The following VWA2 variants were observed in gnomAD, a reference collection of about 807,000 sequenced individuals.
VWA2 encodes the protein von Willebrand factor A domain containing 2.
VWA2 carries 73 observed loss-of-function variants against 70.4 expected under a neutral mutation model. The ratio of observed to expected loss-of-function variants is 1.04; its 90% CI spans 0.86 to 1.26. VWA2 has a LOEUF of 1.26. Ranked by LOEUF, VWA2 falls within the 50% of genes most tolerant of loss-of-function variation. The pLI, the probability that VWA2 is intolerant of heterozygous loss-of-function variation, is 0.00. For synonymous variants in VWA2, 407 were observed against 423.3 expected, an observed-to-expected ratio of 0.96 and a Z score of 0.47; for missense variants, 1,011 against 998.5, an observed-to-expected ratio of 1.01 and a Z score of -0.17.
chr10:114,265,601 C>T (rs2037544235), intron 5 of VWA2, among the ~76,000 whole-genome samples: 1 of 152,212 alleles, frequency 6.6e-6, no homozygotes, highest in African/African-American at 2.4e-5. Context: ...CCTCTCACCA[C>T]GCTCCCTCTC....
chr10:114,241,597 TTTTTG>T (rs1335048975), intron 1 of VWA2, among the ~76,000 whole-genome samples: 2 of 152,146 alleles, frequency 1.3e-5, no homozygotes, highest in Non-Finnish European at 2.9e-5. Flanking sequence ...GAAAATGCCT[TTTTTG>T]TTAATAACTC....
chr10:114,248,855 G>T, intron 2 of VWA2, 90 bp downstream of exon 2: 2 of 1,273,244 alleles, frequency 1.6e-6, no homozygotes, highest in East Asian at 2.3e-5. Context: ...CAATTCTAAA[G>T]GTCTCTTGAA....
Position 114,289,374 on chromosome 10 carries a change from T to C in VWA2, c.2007T>C (p.Pro669=), listed in dbSNP as rs1438909823. The C allele has an allele frequency of 1.2e-5, 19 of 1,614,242 alleles. No homozygotes were observed. The highest frequency in any genetic ancestry group is 4.5e-5 in the East Asian group (2 of 44,884). The part of the protein sequence containing the change: ...GISVLVVGVG[P]VLSEGLRRLA... ...CTGTCTTGGTCGTGGGCGTGGGGCC[T>C]GTCCTAAGTGAGGGTCTGCGGAGGC... The change falls in exon 12 of 14, where the codon CCT becomes CCC. Residue 669 remains proline, a synonymous_variant. Coordinates refer to ENST00000392982, the MANE Select transcript of VWA2 (RefSeq NM_001272046.2).
chr10:114,260,982 C>T (rs1417574985), intron 4 of VWA2, among the ~76,000 whole-genome samples: 1 of 152,220 alleles, frequency 6.6e-6, no homozygotes, highest in African/African-American at 2.4e-5. Flanking sequence ...CAGTGCAGAA[C>T]ACAAACAGAT....
At chr10:114,255,156 AC>A (rs1337929338) in intron 4 of VWA2, 108 bp downstream of exon 4, 1 of 1,398,096 alleles carries the variant, frequency 7.2e-7, no homozygotes, top group Non-Finnish European at 9.8e-7. Flanking sequence ...AGCTGGGAAG[AC>A]CAAGGGGCTG....
chr10:114,278,853 T>C lies in VWA2; in HGVS notation c.833+2T>C. Reference sequence around the variant, plus strand: ...GGCTGCACACTGTCCCTTCTACAGGTTTGTCTGCGCGGTCTGGGCTCGGCC... The same window carrying C: ...GGCTGCACACTGTCCCTTCTACAGGCTTGTCTGCGCGGTCTGGGCTCGGCC... On this transcript the variant is annotated splice_donor_variant, in intron 8 of 13. Transcript: ENST00000392982. LOFTEE classifies it high-confidence loss of function. 1 of 1,612,456 alleles carries C rather than the reference T, an allele frequency of 6.2e-7. No homozygotes were observed. Among genetic ancestry groups the C allele is most frequent in the Non-Finnish European group, 8.5e-7 (1 of 1,179,904 alleles).
At chr10:114,274,130 A>G (rs541934561) in intron 6 of VWA2, among the ~76,000 whole-genome samples, 1 of 152,376 alleles carries the variant, frequency 6.6e-6, no homozygotes, top group African/African-American at 2.4e-5. Context: ...AGGAACAGCC[A>G]GACGGCCAGG....
chr10:114,290,222 T>G lies in VWA2; in HGVS notation c.2123-18T>G. ...CCATGCCTGGCCGGCCTGGTGGGTA[T>G]GGTGTTCTCCATTGTAGAAGCCAAG... On this transcript the variant is annotated intron_variant, in intron 12 of 13. Transcript: ENST00000392982. 6.5e-7 allele frequency: 1 copy of G among 1,550,086 alleles called. No homozygotes were observed. Among genetic ancestry groups the G allele is most frequent in the Non-Finnish European group, 8.7e-7 (1 of 1,146,730 alleles).
At chr10:114,268,945 T>TTGG (rs1304873032) in intron 5 of VWA2, among the ~76,000 whole-genome samples, 3 of 152,024 alleles carry the variant, frequency 2.0e-5, no homozygotes, top group Non-Finnish European at 4.4e-5. Flanking sequence ...AACGCCCGCC[T>TTGG]CGGCCTTCCA....
intron 4 of VWA2, among the ~76,000 whole-genome samples, chr10:114,259,214 T>C (rs987662684): frequency 7.9e-5 from 12 of 152,204 alleles, no homozygotes; most frequent in African/African-American, 2.9e-4. Flanking sequence ...TTTTGCTAAA[T>C]GGATGGGGAA....
chr10:114,241,247 G>T (rs2036969734), intron 1 of VWA2, among the ~76,000 whole-genome samples: 2 of 152,150 alleles, frequency 1.3e-5, no homozygotes, highest in African/African-American at 4.8e-5. Context: ...TTCACAGTTT[G>T]CCCTGGGGTT....
intron 6 of VWA2, among the ~76,000 whole-genome samples, chr10:114,277,184 T>C (rs1464063094): frequency 1.5e-5 from 2 of 131,342 alleles, no homozygotes; most frequent in African/African-American, 3.0e-5. Flanking sequence ...TTTTTTTTTT[T>C]TTTTTTTTTT....
At position 114,293,661 on chromosome 10, in the gene VWA2, T is replaced by C. The variant is rs1435950126; in HGVS notation, c.*2424T>C. On this transcript the variant is annotated 3_prime_UTR_variant, in exon 14 of 14. Coordinates refer to ENST00000392982, the MANE Select transcript of VWA2 (RefSeq NM_001272046.2). ...CAAATAAGACAGAAATATATTTTCC[T>C]TGCAATAATTAAAACATTGCATATA... Among the ~76,000 whole-genome samples the C allele has an allele frequency of 2.6e-5, 4 of 152,228 alleles. No homozygotes were observed. Among genetic ancestry groups the C allele is most frequent in the African/African-American group, 9.6e-5 (4 of 41,458 alleles).
At chr10:114,290,135 A>G (rs2039422735) in intron 12 of VWA2, 105 bp from the exon 13 acceptor site, 2 of 1,450,838 alleles carry the variant, frequency 1.4e-6, no homozygotes, top group South Asian at 1.4e-5. Context: ...AAAGGGAGAC[A>G]TGACTCTAGT....
intron 9 of VWA2, among the ~76,000 whole-genome samples, chr10:114,283,027 C>T (rs889358921): frequency 7.2e-5 from 11 of 152,326 alleles, no homozygotes; most frequent in Admixed American, 5.9e-4. Context: ...GAAGTAATCC[C>T]TCAGCTGTAA....
At chr10:114,285,326 G>C (rs1453762846) in intron 10 of VWA2, among the ~76,000 whole-genome samples, 1 of 152,194 alleles carries the variant, frequency 6.6e-6, no homozygotes, top group African/African-American at 2.4e-5. Flanking sequence ...GCAGAGCAAG[G>C]AGCCCCGATT....
At chr10:114,282,957 A>T (rs928291559) in intron 9 of VWA2, among the ~76,000 whole-genome samples, 1 of 152,160 alleles carries the variant, frequency 6.6e-6, no homozygotes, top group African/African-American at 2.4e-5. Context: ...TCCCTCCTCC[A>T]TGTGAAAGGG....
chr10:114,289,008 T>C lies in VWA2; in HGVS notation c.1641T>C (p.Phe547=), dbSNP rs776426558. The part of the protein sequence containing the change: ...DTSASVGPEN[F]AQMQSFVRSC... Reference sequence around the variant, plus strand: ...CTGCCTCAGTAGGGCCCGAGAATTTTGCTCAGATGCAGAGCTTTGTGAGAA... The same window carrying C: ...CTGCCTCAGTAGGGCCCGAGAATTTCGCTCAGATGCAGAGCTTTGTGAGAA... Residue 547 remains phenylalanine (F), a synonymous_variant, in exon 12 of 14, where the codon TTT becomes TTC. Coordinates refer to ENST00000392982, the MANE Select transcript of VWA2 (RefSeq NM_001272046.2). 4.3e-6 allele frequency: 7 copies of C among 1,614,108 alleles called. No individual in the cohort carries two copies. Among genetic ancestry groups the C allele is most frequent in the Admixed American group, 1.7e-5 (1 of 60,010 alleles).
chr10:114,276,551 T>A (rs2037846937), intron 6 of VWA2, among the ~76,000 whole-genome samples: 1 of 152,142 alleles, frequency 6.6e-6, no homozygotes, highest in African/African-American at 2.4e-5. Flanking sequence ...CAGGCTGGAA[T>A]GCAGTGGCAC....
Sources: gnomAD v4.1 joint callset for allele counts (sites outside exome capture counted in the v4.1 genomes callset) on GRCh38, gnomAD v4.1.1 for gene constraint, MANE v1.5 for transcripts, NCBI Gene and HGNC (gene_info 2026-07-23, HGNC 2026-07-21) for gene names.